Variants in AGAP3 observed in about 807,000 individuals in gnomAD.
The protein encoded by AGAP3 is ArfGAP with GTPase domain, ankyrin repeat and PH domain 3.
A neutral mutation model predicts 96.9 loss-of-function variants in AGAP3; 24 were observed. The observed-to-expected ratio is 0.25, with a 90% CI of 0.18 to 0.35. The LOEUF is 0.35. Among genes scored for constraint, AGAP3 ranks in the 10% least tolerant of loss-of-function variants. AGAP3 has a pLI of 1.00. For synonymous variants in AGAP3, 563 were observed against 536.1 expected, an observed-to-expected ratio of 1.05 and a Z score of -0.69; for missense variants, 876 against 1,254.2, an observed-to-expected ratio of 0.70 and a Z score of 4.55.
At chr7:151,137,302 C>G (rs1010114589) in intron 11 of AGAP3, among the ~76,000 whole-genome samples, 1 of 152,254 alleles carries the variant, frequency 6.6e-6, no homozygotes, top group African/African-American at 2.4e-5. Flanking sequence ...CAGCACCTGG[C>G]GGGCTCCTCC....
rs559506015 is a variant in AGAP3 at position 151,118,829 on chromosome 7, G to A, written c.969+197G>A. On this transcript the variant is annotated intron_variant, in intron 7 of 17. Transcript: ENST00000397238. The surrounding 1 kb of genome is among the most constrained non-coding windows in gnomAD (Gnocchi z 6.1). ...AGCCTTGGCCTCATCCCTGCCCCAC[G>A]GTGCCTGCCCCTTCCCGCTGCAATC... is the stretch of plus-strand genomic sequence containing the variant. 8.5e-5 allele frequency among the ~76,000 whole-genome samples: 13 copies of A among 152,194 alleles called. No individual in the cohort carries two copies. The highest frequency in any genetic ancestry group is 3.1e-4 in the African/African-American group (13 of 41,518).
chr7:151,137,371 TTTC>T (rs1371727348), intron 11 of AGAP3, among the ~76,000 whole-genome samples: 1 of 152,230 alleles, frequency 6.6e-6, no homozygotes, highest in Non-Finnish European at 1.5e-5. Flanking sequence ...CCTGGGGCCA[TTTC>T]TTTGTGGTCT....
intron 8 of AGAP3, chr7:151,123,073 CAG>C: frequency 8.0e-7 from 1 of 1,243,076 alleles, no homozygotes; most frequent in Non-Finnish European, 1.0e-6. Context: ...CGACGAGGCC[CAG>C]AGGGGCGGGG....
Position 151,140,484 on chromosome 7 carries a change from A to C in AGAP3, c.1804+368A>C, listed in dbSNP as rs1317934920. ...TGGGTACTTACTAGGTGCGTAATACATGTGTACAGATTGGCTGAGTCTCTC... is the reference window on the plus strand; with the variant it reads ...TGGGTACTTACTAGGTGCGTAATACCTGTGTACAGATTGGCTGAGTCTCTC... On this transcript the variant is annotated intron_variant, in intron 13 of 17. Coordinates refer to ENST00000397238, the MANE Select transcript of AGAP3 (RefSeq NM_031946.7). The surrounding 1 kb of genome is among the most constrained non-coding windows in gnomAD (Gnocchi z 5.4). 1.3e-5 allele frequency: 2 copies of C among 157,662 alleles called. No homozygotes were observed. The highest frequency in any genetic ancestry group is 2.4e-5 in the African/African-American group (1 of 41,636). 9.8% of individuals were successfully genotyped at this position (157,662 alleles called of 1,614,324 possible).
chr7:151,122,618 T>G, intron 8 of AGAP3: 2 of 1,302,396 alleles, frequency 1.5e-6, no homozygotes, highest in Non-Finnish European at 2.1e-6. Context: ...TTCATCCCGC[T>G]GCCGCCGCTC....
At position 151,096,143 on chromosome 7, in the gene AGAP3, G is replaced by A. The variant is rs1313633287; in HGVS notation, c.331+9071G>A. Among the ~76,000 whole-genome samples, 2 of 152,232 alleles carry A rather than the reference G, an allele frequency of 1.3e-5. No homozygotes were observed. The highest frequency in any genetic ancestry group is 2.9e-5 in the Non-Finnish European group (2 of 68,044). ...AGCAGCAGCTGCCCTGAGGATGTGCGTGCTGGGTGGCGACTGTCTCATTAC... is the reference window on the plus strand; with the variant it reads ...AGCAGCAGCTGCCCTGAGGATGTGCATGCTGGGTGGCGACTGTCTCATTAC... On this transcript the variant is annotated intron_variant, in intron 1 of 17. Transcript: ENST00000397238. The surrounding 1 kb of genome is among the most constrained non-coding windows in gnomAD (Gnocchi z 4.4).
At chr7:151,090,986 T>C (rs763727150) in intron 1 of AGAP3, among the ~76,000 whole-genome samples, 1 of 152,212 alleles carries the variant, frequency 6.6e-6, no homozygotes, top group South Asian at 2.1e-4. Context: ...GCATACGCCC[T>C]GGCATCCCAC....
intron 1 of AGAP3, chr7:151,090,236 T>TG (rs34304383): frequency 0.039 from 4,576 of 116,454 alleles, 88 homozygotes; most frequent in Middle Eastern, 0.05. Context: ...AGTTCCCAGA[T>TG]GGGGGGGGGG....
At chr7:151,134,601 G>T (rs768974213) in intron 11 of AGAP3, 33 bp downstream of exon 11, 2 of 1,568,088 alleles carry the variant, frequency 1.3e-6, no homozygotes, top group Non-Finnish European at 8.7e-7. Flanking sequence ...GGCCTGGGGG[G>T]TGGCTGCCTT....
intron 1 of AGAP3, chr7:151,115,229 G>C: frequency 9.0e-6 from 9 of 1,001,918 alleles, no homozygotes; most frequent in Non-Finnish European, 1.1e-5. Flanking sequence ...CGGGCAGCGC[G>C]GGCTTCCTGC....
At position 151,116,868 on chromosome 7, in the gene AGAP3, G is replaced by C; in HGVS notation, c.390+17G>C. On this transcript the variant is annotated intron_variant, in intron 2 of 17. Coordinates refer to ENST00000397238, the MANE Select transcript of AGAP3 (RefSeq NM_031946.7). ...CTTAAAGTGGTGAGTGTGGCCCATG[G>C]GCAGCACCGGCGGCCTGGAGCTGGG... 6.2e-7 allele frequency: 1 copy of C among 1,612,922 alleles called. No individual in the cohort carries two copies. Among genetic ancestry groups the C allele is most frequent in the Non-Finnish European group, 8.5e-7 (1 of 1,179,512 alleles).
chr7:151,091,359 A>G (rs1798393354), intron 1 of AGAP3, among the ~76,000 whole-genome samples: 1 of 152,268 alleles, frequency 6.6e-6, no homozygotes, highest in Non-Finnish European at 1.5e-5. Flanking sequence ...CAAGAGTTCT[A>G]GCAATTCTGA....
At chr7:151,126,084 C>T (rs1464075041) in intron 9 of AGAP3, among the ~76,000 whole-genome samples, 1 of 146,394 alleles carries the variant, frequency 6.8e-6, no homozygotes, top group Non-Finnish European at 1.5e-5. Flanking sequence ...CTGAGCGGCC[C>T]GGTCGTTCCG....
rs534005007 is a variant in AGAP3 at position 151,128,506 on chromosome 7, C to T, written c.1222-74C>T. 878 of 1,294,600 alleles carry T rather than the reference C, an allele frequency of 6.8e-4. 1 individual carries two copies. The highest frequency in any genetic ancestry group is 2.4e-3 in the Middle Eastern group (13 of 5,414). The allele number at this position is 1,294,600 out of a possible 1,614,324, so 80.2% of individuals were successfully genotyped here. A position where few individuals can be genotyped will look rare whatever the true frequency, so the allele number is the denominator to read the frequency against. On this transcript the variant is annotated intron_variant, in intron 9 of 17. Coordinates refer to ENST00000397238, the MANE Select transcript of AGAP3 (RefSeq NM_031946.7). The stretch of plus-strand genomic sequence containing the variant: ...GGGGAGGGGGGAGGGCATTGCCTGA[C>T]GACATCGTGACCTCCTCATGCCCTA...
At chr7:151,115,212 GGGCGCGCGGGCAGCGCGGGCTTCCTGCGC>G in intron 1 of AGAP3, 1 of 1,001,640 alleles carries the variant, frequency 1.0e-6, no homozygotes, top group Non-Finnish European at 1.2e-6. Context: ...CGCGGGTCTG[GGGCGCGCGGGCAGCGCGGGCTTCCTGCGC>G]GGCGCGGCGT....
chr7:151,134,164 C>T (rs1027587459), intron 10 of AGAP3, among the ~76,000 whole-genome samples: 1 of 152,162 alleles, frequency 6.6e-6, no homozygotes, highest in African/African-American at 2.4e-5. Flanking sequence ...CCAGGTCCTT[C>T]GCCGCCCCCA....
At position 151,096,586 on chromosome 7, in the gene AGAP3, C is replaced by T. The variant is rs2150413248; in HGVS notation, c.331+9514C>T. Reference sequence around the variant, plus strand: ...CTCCCAGGTTCACGCCATTCTCCTGCCACAGCCTCCCGAGTAGCTGGGACT... The same window carrying T: ...CTCCCAGGTTCACGCCATTCTCCTGTCACAGCCTCCCGAGTAGCTGGGACT... On this transcript the variant is annotated intron_variant, in intron 1 of 17. Transcript: ENST00000397238. The surrounding 1 kb of genome is among the most constrained non-coding windows in gnomAD (Gnocchi z 4.4). 6.6e-6 allele frequency among the ~76,000 whole-genome samples: 1 copy of T among 151,924 alleles called. No individual in the cohort carries two copies. The highest frequency in any genetic ancestry group is 1.9e-4 in the East Asian group (1 of 5,156).
At position 151,140,554 on chromosome 7, in the gene AGAP3, T is replaced by C. The variant is rs1389500162; in HGVS notation, c.1804+438T>C. ...AGGAATTCCAGGTCCTGAAGCCTTCTTCCATAGGACCTTTCTCTTCCTCTA... is the reference window on the plus strand; with the variant it reads ...AGGAATTCCAGGTCCTGAAGCCTTCCTCCATAGGACCTTTCTCTTCCTCTA... On this transcript the variant is annotated intron_variant, in intron 13 of 17. Transcript: ENST00000397238. The surrounding 1 kb of genome is among the most constrained non-coding windows in gnomAD (Gnocchi z 5.4). 1.3e-5 allele frequency: 2 copies of C among 152,862 alleles called. No homozygotes were observed. Among genetic ancestry groups the C allele is most frequent in the East Asian group, 3.8e-4 (2 of 5,204 alleles). The allele number at this position is 152,862 out of a possible 1,614,324, so 9.5% of individuals were successfully genotyped here.
rs977524221 is a variant in AGAP3 at position 151,133,619 on chromosome 7, G to C, written c.1327-781G>C. 2.0e-5 allele frequency among the ~76,000 whole-genome samples: 3 copies of C among 152,192 alleles called. No homozygotes were observed. Among genetic ancestry groups the C allele is most frequent in the African/African-American group, 7.2e-5 (3 of 41,452 alleles). ...AAAACCTTGGCTTGAATCTGACTCT[G>C]CTACCATTTAATCGTGTGTTCCTGG... is the stretch of plus-strand genomic sequence containing the variant. On this transcript the variant is annotated intron_variant, in intron 10 of 17. Coordinates refer to ENST00000397238, the MANE Select transcript of AGAP3 (RefSeq NM_031946.7). The surrounding 1 kb of genome is among the most constrained non-coding windows in gnomAD (Gnocchi z 5.4).
Sources: gnomAD v4.1 joint callset for allele counts (sites outside exome capture counted in the v4.1 genomes callset) on GRCh38, gnomAD v4.1.1 for gene constraint, Gnocchi (gnomAD v3.1) non-coding constraint, MANE v1.5 for transcripts, NCBI Gene and HGNC (gene_info 2026-07-23, HGNC 2026-07-21) for gene names.